MACROD2: variants seen among roughly 807,000 people sequenced by gnomAD.
The protein encoded by MACROD2 is ADP-ribose glycohydrolase MACROD2.
In MACROD2, 36 loss-of-function variants were observed where a neutral mutation model predicts 70.4. That is an observed-to-expected ratio of 0.51 (90% CI 0.39 to 0.68). MACROD2 has a LOEUF of 0.68. Ranked by LOEUF, MACROD2 falls within the 30% of genes least tolerant of loss-of-function variation. The probability of loss-of-function intolerance (pLI) is 0.00; values close to 1 mark genes in which losing one functional copy is unlikely to be tolerated. For missense variants in MACROD2, 496 were observed against 538.4 expected (o/e 0.92, Z 0.78); for synonymous variants, 172 against 178.8 (o/e 0.96, Z 0.30).
chr20:15,947,079 C>A (rs1272968106), intron 12 of MACROD2, among the ~76,000 whole-genome samples: 1 of 152,182 alleles, frequency 6.6e-6, no homozygotes, highest in African/African-American at 2.4e-5. Flanking sequence ...TCTCGACTCC[C>A]GCCACAGGGC....
At chr20:14,609,939 G>A (rs1469130412) in intron 4 of MACROD2, among the ~76,000 whole-genome samples, 1 of 152,130 alleles carries the variant, frequency 6.6e-6, no homozygotes, top group Non-Finnish European at 1.5e-5. Flanking sequence ...TCCAGTGAAT[G>A]AGTAATAAAT....
At chr20:14,376,851 C>A (rs2083376702) in intron 3 of MACROD2, among the ~76,000 whole-genome samples, 1 of 151,444 alleles carries the variant, frequency 6.6e-6, no homozygotes, top group Admixed American at 6.6e-5. Context: ...GGTTTTCTCA[C>A]ATAATAGCCA....
intron 5 of MACROD2, among the ~76,000 whole-genome samples, chr20:15,215,306 C>T (rs1377183470): frequency 1.5e-5 from 2 of 130,360 alleles, no homozygotes; most frequent in East Asian, 4.6e-4. Context: ...GTATTTTCAA[C>T]CAGGAAGCAT....
At chr20:15,309,979 A>C (rs1246571607) in intron 6 of MACROD2, among the ~76,000 whole-genome samples, 1 of 152,192 alleles carries the variant, frequency 6.6e-6, no homozygotes, top group African/African-American at 2.4e-5. Flanking sequence ...AGCAGTAAGG[A>C]TAGTTAGGTA....
At chr20:14,573,682 C>T (rs1372833553) in intron 4 of MACROD2, among the ~76,000 whole-genome samples, 1 of 152,046 alleles carries the variant, frequency 6.6e-6, no homozygotes, top group East Asian at 1.9e-4. Flanking sequence ...TAGTGCTATA[C>T]TGCCATCTTT....
At chr20:14,372,005 TC>T (rs1277954838) in intron 3 of MACROD2, among the ~76,000 whole-genome samples, 1 of 152,082 alleles carries the variant, frequency 6.6e-6, no homozygotes, top group Admixed American at 6.6e-5. Flanking sequence ...TAGTTTGACT[TC>T]TTTGTGATTA....
At chr20:15,802,233 T>A (rs1035340051) in intron 8 of MACROD2, among the ~76,000 whole-genome samples, 7 of 152,176 alleles carry the variant, frequency 4.6e-5, no homozygotes, top group Non-Finnish European at 8.8e-5. Flanking sequence ...ATTCCAATAC[T>A]ATGTTGAATC....
Position 15,654,347 on chromosome 20 carries a change from C to T in MACROD2, c.645+154500C>T, listed in dbSNP as rs535395926. On this transcript the variant is annotated intron_variant, in intron 8 of 17. Transcript: ENST00000684519. ...GCTCCCCCTAGAGTTTAAAATGTGC[C>T]ATTGTCAATACCTCTTAACAGCCTG... Among the ~76,000 whole-genome samples, 135 of 152,260 alleles carry T rather than the reference C, an allele frequency of 8.9e-4. No individual in the cohort carries two copies. The South Asian group carries it at 0.025, about 28-fold the overall frequency.
At chr20:14,413,181 T>C (rs1158857610) in intron 3 of MACROD2, among the ~76,000 whole-genome samples, 1 of 113,476 alleles carries the variant, frequency 8.8e-6, no homozygotes, top group Non-Finnish European at 1.8e-5. Context: ...TTAGAACCTG[T>C]GCTCTTTACC....
intron 6 of MACROD2, among the ~76,000 whole-genome samples, chr20:15,243,453 A>G (rs1026525732): frequency 6.6e-6 from 1 of 152,192 alleles, no homozygotes; most frequent in Non-Finnish European, 1.5e-5. Context: ...ACATGCACAC[A>G]GTAGAATCGA....
intron 5 of MACROD2, among the ~76,000 whole-genome samples, chr20:14,685,874 C>A (rs1227139889): frequency 5.3e-5 from 8 of 152,064 alleles, no homozygotes; most frequent in Admixed American, 3.9e-4. Context: ...TATAATACAA[C>A]CTATAGGATA....
chr20:15,231,927 A>G (rs1291241671), intron 6 of MACROD2, among the ~76,000 whole-genome samples: 2 of 152,074 alleles, frequency 1.3e-5, no homozygotes, highest in Admixed American at 1.3e-4. Flanking sequence ...AAAAATGGAG[A>G]TAGAAAATAC....
intron 5 of MACROD2, among the ~76,000 whole-genome samples, chr20:15,176,253 A>G (rs2076460893): frequency 6.6e-6 from 1 of 152,144 alleles, no homozygotes. Context: ...TGTGGATGGC[A>G]TGTTGATGGC....
In MACROD2 at chr20:15,088,429, AT is replaced by A. The variant is rs1334101109; in HGVS notation, c.419-141510del. Among the ~76,000 whole-genome samples the A allele has an allele frequency of 9.1e-3, 331 of 36,520 alleles. 6 individuals carry two copies. The highest frequency in any genetic ancestry group is 0.023 in the African/African-American group (314 of 13,954). The allele number at this position is 36,520 out of a possible 152,430, so 24.0% of individuals were successfully genotyped here. A position where few individuals can be genotyped will look rare whatever the true frequency, so the allele number is the denominator to read the frequency against. On this transcript the variant is annotated intron_variant, in intron 5 of 17. Transcript: ENST00000684519. ...TATATATATATATATATATATATAT[AT>A]ATATATATATATATATATATAATAT...
chr20:14,505,646 C>A (rs530024973), intron 4 of MACROD2, among the ~76,000 whole-genome samples: 1 of 152,180 alleles, frequency 6.6e-6, no homozygotes, highest in Non-Finnish European at 1.5e-5. Flanking sequence ...GATTACTGGG[C>A]CTTATGCCCA....
intron 3 of MACROD2, among the ~76,000 whole-genome samples, chr20:14,130,671 C>T (rs2054705529): frequency 6.6e-6 from 1 of 152,118 alleles, no homozygotes; most frequent in African/African-American, 2.4e-5. Context: ...CATAATTAAC[C>T]CATAAGCAGG....
chr20:14,010,399 G>A (rs1490798362), intron 2 of MACROD2, among the ~76,000 whole-genome samples: 4 of 152,214 alleles, frequency 2.6e-5, no homozygotes, highest in South Asian at 2.1e-4. Flanking sequence ...GGCAGAAAAG[G>A]TAGAGGGAAG....
chr20:14,600,499 A>T (rs749260415), intron 4 of MACROD2, among the ~76,000 whole-genome samples: 1 of 152,096 alleles, frequency 6.6e-6, no homozygotes, highest in South Asian at 2.1e-4. Flanking sequence ...AAAAATTTTT[A>T]AAAAGAATTA....
At position 15,155,047 on chromosome 20, in the gene MACROD2, G is replaced by A. The variant is rs546562139; in HGVS notation, c.419-74893G>A. Among the ~76,000 whole-genome samples, 7 of 152,116 alleles carry A rather than the reference G, an allele frequency of 4.6e-5. No homozygotes were observed. The South Asian group carries it at 1.5e-3, about 32-fold the overall frequency. Reference sequence around the variant, plus strand: ...TGTGTTTCTTCAATTTAAAAAAAATGAAATAAGAAAAATAATAGCAACAGA... The same window carrying A: ...TGTGTTTCTTCAATTTAAAAAAAATAAAATAAGAAAAATAATAGCAACAGA... On this transcript the variant is annotated intron_variant, in intron 5 of 17. Coordinates refer to ENST00000684519, the MANE Select transcript of MACROD2 (RefSeq NM_001351661.2).
Sources: allele counts gnomAD v4.1 joint callset (sites outside exome capture counted in the v4.1 genomes callset), GRCh38; gene constraint gnomAD v4.1.1; transcripts MANE v1.5; gene names NCBI Gene and HGNC (gene_info 2026-07-23, HGNC 2026-07-21).